TCTN2: variants seen among roughly 807,000 people sequenced by gnomAD.
TCTN2 encodes tectonic family member 2.
A neutral mutation model predicts 83.4 loss-of-function variants in TCTN2; 66 were observed. The observed-to-expected ratio is 0.79, with a 90% CI of 0.65 to 0.97. The LOEUF (loss-of-function observed/expected upper bound fraction) is 0.97. Ranked by LOEUF, TCTN2 falls within the 50% of genes least tolerant of loss-of-function variation. The pLI is 0.00. For missense variants in TCTN2, 794 were observed against 858.1 expected (o/e 0.93, Z 0.93); for synonymous variants, 301 against 326.7 (o/e 0.92, Z 0.85).
intron 14 of TCTN2, chr12:123,700,045 T>C: frequency 1.7e-6 from 1 of 580,938 alleles, no homozygotes; most frequent in South Asian, 1.9e-5. Flanking sequence ...AGGGTTTCAT[T>C]CTGTCACCCA....
Position 123,707,587 on chromosome 12 carries a change from T to G in TCTN2, c.1985-17T>G, listed in dbSNP as rs1279314642. The G allele has an allele frequency of 6.2e-7, 1 of 1,609,652 alleles. No individual in the cohort carries two copies. Among genetic ancestry groups the G allele is most frequent in the Non-Finnish European group, 8.5e-7 (1 of 1,175,910 alleles). On this transcript the variant is annotated splice_polypyrimidine_tract_variant and intron_variant, in intron 17 of 17. Transcript: ENST00000303372. ...GTTAAGAAATACTGCTGTTGAATTT[T>G]GTCCATTGTTTTTCAGGGGAGCTGC...
At chr12:123,695,020 T>C (rs1340260906) in intron 10 of TCTN2, 44 bp downstream of exon 10, 7 of 1,575,772 alleles carry the variant, frequency 4.4e-6, no homozygotes, top group Non-Finnish European at 6.1e-6. Context: ...CTGAAAAGTA[T>C]TTTTTTTTCC....
chr12:123,680,637 C>A (rs1473207711), intron 5 of TCTN2, among the ~76,000 whole-genome samples: 1 of 151,358 alleles, frequency 6.6e-6, no homozygotes, highest in East Asian at 2.0e-4. Flanking sequence ...GTGCCTCAGC[C>A]TCCCGAGTAA....
chr12:123,699,981 TTTC>T (rs1468753149), intron 14 of TCTN2, 171 bp downstream of exon 14: 5 of 673,328 alleles, frequency 7.4e-6, no homozygotes, highest in Non-Finnish European at 1.3e-5. Context: ...GGCATGTCTT[TTTC>T]TTCTTATTCA....
In TCTN2 at chr12:123,672,151, C is replaced by A. The variant is rs1422779777; in HGVS notation, c.267+19C>A. On this transcript the variant is annotated intron_variant, in intron 3 of 17. Coordinates refer to ENST00000303372, the MANE Select transcript of TCTN2 (RefSeq NM_024809.5). ...CGGTGCGGTAAGGCCAGAAGTAAAC[C>A]TTCTCTGTAGCCTGTGAAGAGGCCC... The A allele has an allele frequency of 1.2e-6, 2 of 1,611,842 alleles. No individual in the cohort carries two copies. Among genetic ancestry groups the A allele is most frequent in the South Asian group, 2.2e-5 (2 of 91,040 alleles).
intron 5 of TCTN2, among the ~76,000 whole-genome samples, chr12:123,681,324 C>T (rs768923494): frequency 6.6e-6 from 1 of 151,780 alleles, no homozygotes; most frequent in Non-Finnish European, 1.5e-5. Flanking sequence ...CACAGTTGTA[C>T]AACCATCACC....
At chr12:123,674,428 G>A (rs932031821) in intron 4 of TCTN2, among the ~76,000 whole-genome samples, 2 of 152,074 alleles carry the variant, frequency 1.3e-5, no homozygotes, top group South Asian at 2.1e-4. Flanking sequence ...ACGCTACCAC[G>A]CCCAGCTAAT....
chr12:123,688,213 CTTTTT>C (rs58689399), intron 7 of TCTN2, 36 bp downstream of exon 7: 189 of 1,348,156 alleles, frequency 1.4e-4, no homozygotes, highest in East Asian at 4.3e-4. Context: ...AGACCGTTCT[CTTTTT>C]TTTTTTTTTT....
At chr12:123,684,894 G>A (rs778710685) in intron 5 of TCTN2, among the ~76,000 whole-genome samples, 3 of 151,772 alleles carry the variant, frequency 2.0e-5, no homozygotes, top group Non-Finnish European at 2.9e-5. Flanking sequence ...TTCTAAACAT[G>A]TAAAAATTAG....
At chr12:123,697,780 C>T (rs889991665) in intron 13 of TCTN2, among the ~76,000 whole-genome samples, 1 of 151,848 alleles carries the variant, frequency 6.6e-6, no homozygotes, top group South Asian at 2.1e-4. Flanking sequence ...AGGCGTAAGC[C>T]ACCGCGCCTG....
intron 5 of TCTN2, among the ~76,000 whole-genome samples, chr12:123,683,799 C>T (rs1341881538): frequency 6.6e-6 from 1 of 152,058 alleles, no homozygotes; most frequent in Non-Finnish European, 1.5e-5. Context: ...CCACCATGCT[C>T]AGCTAATTTT....
Position 123,671,627 on chromosome 12 carries a change from C to T in TCTN2, c.190+13C>T. ...CAGGACGAGGCGGGTAAAGTCCGGC[C>T]CTCTTTTGGGGAGGGTGGGGGTTGG... On this transcript the variant is annotated intron_variant, in intron 2 of 17. Transcript: ENST00000303372. 1 of 1,607,246 alleles carries T rather than the reference C, an allele frequency of 6.2e-7. No homozygotes were observed. Among genetic ancestry groups the T allele is most frequent in the Non-Finnish European group, 8.5e-7 (1 of 1,177,948 alleles).
At chr12:123,692,987 C>G (rs1490242253) in intron 9 of TCTN2, among the ~76,000 whole-genome samples, 1 of 143,984 alleles carries the variant, frequency 6.9e-6, no homozygotes, top group Non-Finnish European at 1.5e-5. Flanking sequence ...TTCCGTGAAC[C>G]TTTCCTTAAA....
chr12:123,690,776 A>T, intron 8 of TCTN2, 102 bp downstream of exon 8: 4 of 1,372,044 alleles, frequency 2.9e-6, no homozygotes, highest in African/African-American at 1.4e-5. Context: ...ACTTCAAATA[A>T]TATTTGAACT....
At chr12:123,682,552 GC>G (rs1321849734) in intron 5 of TCTN2, among the ~76,000 whole-genome samples, 29 of 151,838 alleles carry the variant, frequency 1.9e-4, no homozygotes, top group African/African-American at 6.5e-4. Flanking sequence ...TGTGATCTCG[GC>G]TCACTGCAGC....
Position 123,702,450 on chromosome 12 carries a change from C to T in TCTN2, c.1613-2082C>T, listed in dbSNP as rs188907902. ...TGGTGATGAGGACCCTCCCTTCCCC[C>T]TCTTGGTCATGGATAATGTGATATG... is the stretch of plus-strand genomic sequence containing the variant. On this transcript the variant is annotated intron_variant, in intron 14 of 17. Coordinates refer to ENST00000303372, the MANE Select transcript of TCTN2 (RefSeq NM_024809.5). 8.5e-3 allele frequency among the ~76,000 whole-genome samples: 1,242 copies of T among 146,404 alleles called. 19 individuals are homozygous for T. Among genetic ancestry groups the T allele is most frequent in the African/African-American group, 0.032 (1,169 of 36,752 alleles).
intron 13 of TCTN2, 95 bp from the exon 14 acceptor site, chr12:123,699,609 T>C (rs1956148500): frequency 9.7e-7 from 1 of 1,035,522 alleles, no homozygotes; most frequent in Admixed American, 1.8e-5. Flanking sequence ...GTTTTTAATT[T>C]AGGCACTCGG....
intron 3 of TCTN2, among the ~76,000 whole-genome samples, chr12:123,673,053 A>G (rs1041122970): frequency 6.6e-6 from 1 of 152,232 alleles, no homozygotes; most frequent in South Asian, 2.1e-4. Flanking sequence ...CGTCTCAAAA[A>G]AAAAAGCTTC....
In TCTN2 at chr12:123,705,115, C is replaced by T. The variant is rs145913386; in HGVS notation, c.1769+427C>T. On this transcript the variant is annotated intron_variant, in intron 15 of 17. Transcript: ENST00000303372. ...TAACCTTTCTGAGCTGTAGTTTCCT[C>T]CTCTGTAATATGGTGATAATACCTT... 7.0e-4 allele frequency among the ~76,000 whole-genome samples: 106 copies of T among 151,778 alleles called. 2 individuals carry two copies. The East Asian group carries it at 0.019, about 27-fold the overall frequency.
Sources: allele counts gnomAD v4.1 joint callset (sites outside exome capture counted in the v4.1 genomes callset), GRCh38; gene constraint gnomAD v4.1.1; transcripts MANE v1.5; gene names NCBI Gene and HGNC (gene_info 2026-07-23, HGNC 2026-07-21).